The following EPHB1 variants were observed in gnomAD, a reference collection of about 807,000 sequenced individuals.
The protein encoded by EPHB1 is EPH receptor B1.
In EPHB1, 30 loss-of-function variants were observed where a neutral mutation model predicts 94.4. That is an observed-to-expected ratio of 0.32 (90% CI 0.24 to 0.43). The LOEUF is 0.43. Ranked by LOEUF, EPHB1 falls within the 20% of genes least tolerant of loss-of-function variation. The pLI, the probability that EPHB1 is intolerant of heterozygous loss-of-function variation, is 1.00. For missense variants in EPHB1, 1,055 were observed against 1,308.3 expected, an observed-to-expected ratio of 0.81 and a Z score of 2.99; for synonymous variants, 522 against 489.1, an observed-to-expected ratio of 1.07 and a Z score of -0.89.
intron 2 of EPHB1, among the ~76,000 whole-genome samples, chr3:134,930,093 G>T (rs1210014889): frequency 6.6e-6 from 1 of 152,194 alleles, no homozygotes; most frequent in East Asian, 1.9e-4. Flanking sequence ...ATTGCAATGG[G>T]CCCCATCCAC....
intron 1 of EPHB1, among the ~76,000 whole-genome samples, chr3:134,879,824 TA>T (rs11431190): frequency 5.3e-5 from 8 of 151,074 alleles, no homozygotes; most frequent in African/African-American, 1.7e-4. Flanking sequence ...AAAATCAAAT[TA>T]AAAAAAAGTA....
At chr3:135,039,935 G>A (rs1056522452) in intron 3 of EPHB1, among the ~76,000 whole-genome samples, 5 of 152,194 alleles carry the variant, frequency 3.3e-5, no homozygotes, top group African/African-American at 7.2e-5. Context: ...GGGAGGTGCC[G>A]AGAGCAAGCG....
intron 6 of EPHB1, among the ~76,000 whole-genome samples, 182 bp from the exon 7 acceptor site, chr3:135,161,836 C>A (rs1458971574): frequency 6.6e-6 from 1 of 152,144 alleles, no homozygotes; most frequent in East Asian, 1.9e-4. Flanking sequence ...CCTGACCCTA[C>A]ATTCCCTTGG....
At chr3:135,237,970 A>G (rs1943694900) in intron 12 of EPHB1, among the ~76,000 whole-genome samples, 1 of 152,050 alleles carries the variant, frequency 6.6e-6, no homozygotes. Context: ...GCTTCCCTCC[A>G]CAGGGCTGGT....
intron 3 of EPHB1, among the ~76,000 whole-genome samples, chr3:135,065,632 T>G (rs1937571282): frequency 6.6e-6 from 1 of 152,324 alleles, no homozygotes; most frequent in South Asian, 2.1e-4. Flanking sequence ...TGTTGAGTTC[T>G]TATCCATTCT....
chr3:135,146,894 C>T (rs543040051), intron 5 of EPHB1, among the ~76,000 whole-genome samples: 1 of 152,090 alleles, frequency 6.6e-6, no homozygotes, highest in Non-Finnish European at 1.5e-5. Flanking sequence ...TTGCCAAGTC[C>T]CCAGCCTGGC....
intron 4 of EPHB1, among the ~76,000 whole-genome samples, chr3:135,126,329 C>T (rs759933549): frequency 1.3e-5 from 2 of 152,144 alleles, no homozygotes; most frequent in Non-Finnish European, 2.9e-5. Flanking sequence ...TCCTTCCTGG[C>T]TTATTCCCAG....
chr3:135,173,531 C>A (rs1364702770), intron 9 of EPHB1, among the ~76,000 whole-genome samples: 2 of 152,178 alleles, frequency 1.3e-5, no homozygotes, highest in Non-Finnish European at 2.9e-5. Flanking sequence ...GTCCTGGGTT[C>A]TTCCTCAAGC....
At chr3:135,044,675 G>A (rs6793611) in intron 3 of EPHB1, among the ~76,000 whole-genome samples, 19,080 of 152,172 alleles carry the variant, frequency 0.13, 1,557 homozygotes, top group African/African-American at 0.22. Context: ...AAAGGTCTCA[G>A]CACAATGTCT....
chr3:135,046,237 A>C (rs566228406), intron 3 of EPHB1, among the ~76,000 whole-genome samples: 1 of 152,250 alleles, frequency 6.6e-6, no homozygotes. Flanking sequence ...AGACCAAAAA[A>C]GTTTGAGAAC....
chr3:134,975,081 G>C (rs1272269852), intron 3 of EPHB1, among the ~76,000 whole-genome samples: 2 of 152,050 alleles, frequency 1.3e-5, no homozygotes, highest in East Asian at 1.9e-4. Context: ...TATTGATTTG[G>C]AGTTTCAAAA....
At chr3:134,854,324 C>T (rs1410230930) in intron 1 of EPHB1, among the ~76,000 whole-genome samples, 9 of 152,154 alleles carry the variant, frequency 5.9e-5, no homozygotes, top group Middle Eastern at 3.4e-3. Context: ...TGAAAGGAGC[C>T]GTTTGGGAGG....
chr3:134,956,053 A>T (rs146969529), intron 3 of EPHB1, among the ~76,000 whole-genome samples: 56 of 152,098 alleles, frequency 3.7e-4, no homozygotes, highest in African/African-American at 1.3e-3. Flanking sequence ...TGTAGCCTAA[A>T]ATATTGCTTT....
chr3:135,236,656 A>G (rs1156553652), intron 12 of EPHB1, among the ~76,000 whole-genome samples: 1 of 152,220 alleles, frequency 6.6e-6, no homozygotes, highest in East Asian at 1.9e-4. Context: ...CTCGGCCATG[A>G]ACCTATCACT....
At chr3:135,197,745 T>C (rs1197550155) in intron 11 of EPHB1, among the ~76,000 whole-genome samples, 1 of 152,182 alleles carries the variant, frequency 6.6e-6, no homozygotes, top group Non-Finnish European at 1.5e-5. Flanking sequence ...GTATTTCTTC[T>C]CTGTACTATG....
chr3:135,248,205 G>A, intron 13 of EPHB1, 111 bp from the exon 14 acceptor site: 1 of 1,037,856 alleles, frequency 9.6e-7, no homozygotes, highest in Non-Finnish European at 1.4e-6. Context: ...CACAGAGCAA[G>A]GGCATCTGAG....
At chr3:134,862,105 C>T (rs1171535083) in intron 1 of EPHB1, among the ~76,000 whole-genome samples, 1 of 152,070 alleles carries the variant, frequency 6.6e-6, no homozygotes, top group Non-Finnish European at 1.5e-5. Context: ...CTCTCAGATC[C>T]CCAGATCTTC....
At chr3:135,058,817 G>A (rs1460777452) in intron 3 of EPHB1, among the ~76,000 whole-genome samples, 2 of 152,204 alleles carry the variant, frequency 1.3e-5, no homozygotes, top group African/African-American at 4.8e-5. Context: ...CGGCTTGTAG[G>A]TGGGTTTCTT....
intron 5 of EPHB1, among the ~76,000 whole-genome samples, chr3:135,151,400 C>T (rs1941189476): frequency 6.6e-6 from 1 of 152,110 alleles, no homozygotes; most frequent in Admixed American, 6.5e-5. Context: ...AGCTCCCTCC[C>T]TTCCCTCCTT....
Sources: gnomAD v4.1 joint callset for allele counts (sites outside exome capture counted in the v4.1 genomes callset) on GRCh38, gnomAD v4.1.1 for gene constraint, MANE v1.5 for transcripts, NCBI Gene and HGNC (gene_info 2026-07-23, HGNC 2026-07-21) for gene names.